Variants in ABTB3 observed in about 807,000 individuals in gnomAD.
ABTB3 encodes ankyrin repeat- and BTB/POZ domain-containing protein 3.
At chr12:107,606,141 G>A in the ABTB3 span, among the ~76,000 whole-genome samples, 30 of 152,286 alleles carry the variant, frequency 2.0e-4, 1 homozygote, top group Admixed American at 1.8e-3. Context: ...GGGGGGTCAG[G>A]TCAAAACCTG....
At chr12:107,543,130 G>A in the ABTB3 span, among the ~76,000 whole-genome samples, 4 of 152,142 alleles carry the variant, frequency 2.6e-5, no homozygotes, top group Non-Finnish European at 5.9e-5. Flanking sequence ...GAGGTTAGGA[G>A]TCCAAGAGCA....
At chr12:107,548,711 T>C in the ABTB3 span, among the ~76,000 whole-genome samples, 1 of 152,210 alleles carries the variant, frequency 6.6e-6, no homozygotes, top group East Asian at 1.9e-4. Context: ...ATTTTCCAAA[T>C]AGTAATGATA....
the ABTB3 span, among the ~76,000 whole-genome samples, chr12:107,459,327 GTGAT>G: frequency 6.6e-6 from 1 of 152,294 alleles, no homozygotes; most frequent in East Asian, 1.9e-4. Flanking sequence ...TCATTCATTT[GTGAT>G]TGATTGATTG....
At chr12:107,415,806 T>C in the ABTB3 span, among the ~76,000 whole-genome samples, 2 of 152,180 alleles carry the variant, frequency 1.3e-5, no homozygotes, top group African/African-American at 4.8e-5. Flanking sequence ...CAGTTAATGG[T>C]AGAGCTAGAA....
chr12:107,390,352 G>A, the ABTB3 span, among the ~76,000 whole-genome samples: 1 of 152,176 alleles, frequency 6.6e-6, no homozygotes, highest in African/African-American at 2.4e-5. Context: ...ACTTGCCCAA[G>A]GCCACCTAGC....
chr12:107,409,377 G>A, the ABTB3 span, among the ~76,000 whole-genome samples: 2 of 152,330 alleles, frequency 1.3e-5, no homozygotes, highest in Admixed American at 6.5e-5. Flanking sequence ...AAACAATGTG[G>A]CTATTTCTCA....
the ABTB3 span, among the ~76,000 whole-genome samples, chr12:107,389,840 GTGTGTT>G: frequency 0.083 from 5,850 of 70,692 alleles, 128 homozygotes; most frequent in African/African-American, 0.1. Flanking sequence ...GGGCATGTGT[GTGTGTT>G]TGTGTGTGTG....
At chr12:107,570,464 C>T in the ABTB3 span, among the ~76,000 whole-genome samples, 1 of 152,314 alleles carries the variant, frequency 6.6e-6, no homozygotes, top group African/African-American at 2.4e-5. Flanking sequence ...ACCAACCCAC[C>T]TCAGCCTCCC....
chr12:107,343,928 G>A, the ABTB3 span, among the ~76,000 whole-genome samples: 3 of 152,144 alleles, frequency 2.0e-5, no homozygotes, highest in African/African-American at 7.2e-5. Context: ...CTCCCAACAG[G>A]TGCCTCCCTT....
chr12:107,358,577 G>A, the ABTB3 span, among the ~76,000 whole-genome samples: 2 of 150,378 alleles, frequency 1.3e-5, no homozygotes, highest in African/African-American at 2.4e-5. Context: ...GAAACTCTGG[G>A]GGTGGGGTCC....
the ABTB3 span, chr12:107,543,819 C>A: frequency 3.2e-6 from 3 of 925,968 alleles, no homozygotes; most frequent in Non-Finnish European, 4.8e-6. Flanking sequence ...TCCCATTGAA[C>A]CACTTTATTT....
the ABTB3 span, among the ~76,000 whole-genome samples, chr12:107,608,993 A>C: frequency 7.8e-6 from 1 of 128,744 alleles, no homozygotes; most frequent in Non-Finnish European, 1.6e-5. Context: ...AATAAAATAA[A>C]ATAAAATAAA....
At chr12:107,517,387 T>G in the ABTB3 span, among the ~76,000 whole-genome samples, 3 of 152,320 alleles carry the variant, frequency 2.0e-5, no homozygotes, top group East Asian at 3.9e-4. Context: ...TAAAGTAGTG[T>G]TTTCCAATTC....
At chr12:107,370,757 AT>A in the ABTB3 span, among the ~76,000 whole-genome samples, 16,404 of 87,318 alleles carry the variant, frequency 0.19, 1,271 homozygotes, top group East Asian at 0.28. Context: ...CAAAAAAGGG[AT>A]TTTTTTTTTT....
At chr12:107,533,254 A>G in the ABTB3 span, among the ~76,000 whole-genome samples, 1 of 152,218 alleles carries the variant, frequency 6.6e-6, no homozygotes, top group Non-Finnish European at 1.5e-5. Flanking sequence ...ACAAAATGAC[A>G]GGAATAAGTT....
the ABTB3 span, among the ~76,000 whole-genome samples, chr12:107,497,316 C>T: frequency 6.6e-6 from 1 of 151,752 alleles, no homozygotes; most frequent in South Asian, 2.1e-4. Context: ...CCACCATCAC[C>T]ATCACCACCA....
chr12:107,497,940 T>A, the ABTB3 span, among the ~76,000 whole-genome samples: 1 of 152,080 alleles, frequency 6.6e-6, no homozygotes, highest in Non-Finnish European at 1.5e-5. Flanking sequence ...TCTCCTTTTT[T>A]CCCATGTCAG....
chr12:107,483,811 C>T, the ABTB3 span, among the ~76,000 whole-genome samples: 1 of 152,112 alleles, frequency 6.6e-6, no homozygotes, highest in Non-Finnish European at 1.5e-5. Flanking sequence ...CTTAGCCTCC[C>T]ATGTAGCTGG....
At chr12:107,587,789 C>T in the ABTB3 span, among the ~76,000 whole-genome samples, 29 of 152,116 alleles carry the variant, frequency 1.9e-4, no homozygotes, top group Admixed American at 6.5e-5. Context: ...CTTAGGCTGC[C>T]TCTGGAAGGA....
Sources: gnomAD v4.1 joint callset for allele counts (sites outside exome capture counted in the v4.1 genomes callset) on GRCh38, gnomAD v4.1.1 for gene constraint, MANE v1.5 for transcripts, NCBI Gene and HGNC (gene_info 2026-07-23, HGNC 2026-07-21) for gene names.